Variants in CADM2 observed in about 807,000 individuals in gnomAD.
The protein encoded by CADM2 is immunoglobulin superfamily member 4D.
Under a neutral mutation model 49.8 loss-of-function variants are expected in CADM2, and 12 were observed. The ratio of observed to expected loss-of-function variants is 0.24; its 90% CI spans 0.15 to 0.39. The LOEUF (loss-of-function observed/expected upper bound fraction) is 0.39, where lower values mean the gene tolerates loss of function less well. Ranked by LOEUF, CADM2 falls within the 10% of genes least tolerant of loss-of-function variation. CADM2 has a pLI of 1.00. For synonymous variants in CADM2, 214 were observed against 175.4 expected, an observed-to-expected ratio of 1.22 and a Z score of -1.74; for missense variants, 378 against 492.3, an observed-to-expected ratio of 0.77 and a Z score of 2.20.
chr3:85,432,566 T>C (rs565037906), intron 1 of CADM2, among the ~76,000 whole-genome samples: 1 of 152,222 alleles, frequency 6.6e-6, no homozygotes, highest in South Asian at 2.1e-4. Flanking sequence ...ATTTCATGTA[T>C]TGGAGGAAAA....
chr3:85,817,699 A>T (rs1469098703), intron 3 of CADM2, among the ~76,000 whole-genome samples: 1 of 152,118 alleles, frequency 6.6e-6, no homozygotes, highest in Non-Finnish European at 1.5e-5. Flanking sequence ...ACCTTGACTG[A>T]TTGCATAAAC....
At chr3:85,969,750 C>T (rs1054800537) in intron 8 of CADM2, among the ~76,000 whole-genome samples, 5 of 150,884 alleles carry the variant, frequency 3.3e-5, no homozygotes, top group African/African-American at 1.2e-4. Flanking sequence ...ATTTCTATAC[C>T]GCTAGCTCTT....
rs182141637 is a variant in CADM2, at chr3:85,247,454, A to G, written c.61+287786A>G. On this transcript the variant is annotated intron_variant, in intron 1 of 9. Coordinates refer to ENST00000383699, the MANE Select transcript of CADM2 (RefSeq NM_001167675.2). Reference sequence around the variant, plus strand: ...ACTATAATTTACAGAGGACTTTAGGACTCTTAGAGTTTGTTCTTACATTCA... The same window carrying G: ...ACTATAATTTACAGAGGACTTTAGGGCTCTTAGAGTTTGTTCTTACATTCA... Among the ~76,000 whole-genome samples the G allele has an allele frequency of 1.8e-4, 27 of 152,154 alleles. No individual in the cohort carries two copies. In the East Asian group the frequency reaches 4.1e-3, roughly 23 times the overall value.
chr3:85,555,142 C>A (rs567651283), intron 1 of CADM2, among the ~76,000 whole-genome samples: 1 of 152,062 alleles, frequency 6.6e-6, no homozygotes, highest in Non-Finnish European at 1.5e-5. Context: ...AGTTAGGGCA[C>A]GTCATTCCAG....
intron 1 of CADM2, among the ~76,000 whole-genome samples, chr3:85,383,421 T>C (rs2034010987): frequency 6.6e-6 from 1 of 150,590 alleles, no homozygotes; most frequent in Non-Finnish European, 1.5e-5. Context: ...AATCAGAAAA[T>C]TAGAAATATA....
chr3:85,030,284 G>C lies in CADM2; in HGVS notation c.61+70616G>C, dbSNP rs141473972. On this transcript the variant is annotated intron_variant, in intron 1 of 9. Transcript: ENST00000383699. ...TTTGTTATGTAACCTAGATCAAACG[G>C]CAAGACAACTCCACCGTGCTCTGAC... Among the ~76,000 whole-genome samples, 7 of 152,072 alleles carry C rather than the reference G, an allele frequency of 4.6e-5. No individual in the cohort carries two copies. The East Asian group carries it at 1.4e-3, about 29-fold the overall frequency.
chr3:85,658,576 G>GTATATATA (rs397990421), intron 1 of CADM2, among the ~76,000 whole-genome samples: 803 of 68,664 alleles, frequency 0.012, 21 homozygotes, highest in East Asian at 0.016. Context: ...GGATATATGT[G>GTATATATA]TATATATATA....
rs898085961 is a variant in CADM2, at chr3:85,202,709, T to C, written c.61+243041T>C. ...AGTTCCTAAGAAGCAAGTCAGTCTA[T>C]TATTTGAAGTTTTGAAGCCAGACAT... On this transcript the variant is annotated intron_variant, in intron 1 of 9. Transcript: ENST00000383699. Among the ~76,000 whole-genome samples the C allele has an allele frequency of 3.3e-5, 5 of 152,186 alleles. 1 individual carries two copies. In the East Asian group the frequency reaches 5.8e-4, roughly 18 times the overall value.
chr3:85,370,131 T>C (rs1380987368), intron 1 of CADM2, among the ~76,000 whole-genome samples: 1 of 151,176 alleles, frequency 6.6e-6, no homozygotes, highest in Admixed American at 6.6e-5. Flanking sequence ...GAGAATCGCT[T>C]GAAACCGGGA....
intron 1 of CADM2, among the ~76,000 whole-genome samples, chr3:85,090,395 A>G (rs2037549868): frequency 6.6e-6 from 1 of 152,184 alleles, no homozygotes; most frequent in African/African-American, 2.4e-5. Context: ...AAGTTCATAG[A>G]AAAACACGTT....
intron 8 of CADM2, among the ~76,000 whole-genome samples, chr3:86,062,352 G>A (rs1738761670): frequency 6.6e-6 from 1 of 152,146 alleles, no homozygotes. Context: ...GGCAATGATA[G>A]AAATGTAGGG....
intron 6 of CADM2, among the ~76,000 whole-genome samples, chr3:85,928,222 G>A (rs1308459056): frequency 2.7e-5 from 4 of 148,040 alleles, no homozygotes; most frequent in Non-Finnish European, 4.4e-5. Context: ...GCAATGGCAC[G>A]ATCTCGGCTC....
At position 85,769,634 on chromosome 3, in the gene CADM2, CACATATAT is replaced by C. The variant is rs949380773; in HGVS notation, c.89-32395_89-32388del. 2.1e-4 allele frequency among the ~76,000 whole-genome samples: 27 copies of C among 129,110 alleles called. 1 individual carries two copies. Among genetic ancestry groups the C allele is most frequent in the East Asian group, 1.5e-3 (7 of 4,798 alleles). The allele number at this position is 129,110 out of a possible 152,430, so 84.7% of individuals were successfully genotyped here. A position where few individuals can be genotyped will look rare whatever the true frequency, so the allele number is the denominator to read the frequency against. ...TATATACATATATAGTATATATATA[CACATATAT>C]ACATATATACATATATAGTATATAT... On this transcript the variant is annotated intron_variant, in intron 2 of 9. Coordinates refer to ENST00000383699, the MANE Select transcript of CADM2 (RefSeq NM_001167675.2).
At chr3:85,186,335 A>T (rs2107714025) in intron 1 of CADM2, among the ~76,000 whole-genome samples, 1 of 152,262 alleles carries the variant, frequency 6.6e-6, no homozygotes, top group African/African-American at 2.4e-5. Context: ...AATTTTGAAC[A>T]AAAACCTAAA....
intron 8 of CADM2, among the ~76,000 whole-genome samples, chr3:86,003,769 A>G (rs1262536038): frequency 6.6e-6 from 1 of 152,190 alleles, no homozygotes; most frequent in Non-Finnish European, 1.5e-5. Context: ...GGCAAACTCA[A>G]ATGACTCCTG....
intron 7 of CADM2, among the ~76,000 whole-genome samples, chr3:85,945,136 A>T (rs1466731984): frequency 6.6e-6 from 1 of 152,180 alleles, no homozygotes. Flanking sequence ...ACCATCAGAG[A>T]ATTCTATAAA....
At chr3:85,758,393 G>A (rs1559636978) in intron 2 of CADM2, among the ~76,000 whole-genome samples, 2 of 152,044 alleles carry the variant, frequency 1.3e-5, no homozygotes, top group African/African-American at 4.8e-5. Context: ...AACATGACTA[G>A]CATTCCCCAC....
intron 1 of CADM2, among the ~76,000 whole-genome samples, chr3:85,471,687 CATTTT>C (rs56816947): frequency 0.17 from 24,900 of 143,252 alleles, 2,610 homozygotes; most frequent in Non-Finnish European, 0.23. Context: ...ATATTTTTAG[CATTTT>C]ATTTTATTTT....
At chr3:85,600,135 C>T (rs1052417083) in intron 1 of CADM2, among the ~76,000 whole-genome samples, 10 of 151,818 alleles carry the variant, frequency 6.6e-5, no homozygotes, top group Admixed American at 1.3e-4. Context: ...CAAATTATTG[C>T]TTAGTATCTT....
Sources: gnomAD v4.1 joint callset for allele counts (sites outside exome capture counted in the v4.1 genomes callset) on GRCh38, gnomAD v4.1.1 for gene constraint, MANE v1.5 for transcripts, NCBI Gene and HGNC (gene_info 2026-07-23, HGNC 2026-07-21) for gene names.